The following PLPPR1 variants were observed in gnomAD, a reference collection of about 807,000 sequenced individuals.
PLPPR1 encodes the protein phospholipid phosphatase-related protein type 1.
Under a neutral mutation model 33.1 loss-of-function variants are expected in PLPPR1, and 10 were observed. The observed-to-expected ratio is 0.30, with a 90% CI of 0.19 to 0.51. The LOEUF (loss-of-function observed/expected upper bound fraction) is 0.51. PLPPR1 is among the 20% of genes least tolerant of loss of function. The probability of loss-of-function intolerance (pLI) is 0.97; values close to 1 mark genes in which losing one functional copy is unlikely to be tolerated. For missense variants in PLPPR1, 304 were observed against 408.1 expected, an observed-to-expected ratio of 0.74 and a Z score of 2.20; for synonymous variants, 151 against 151.0, an observed-to-expected ratio of 1.00 and a Z score of 0.00.
At chr9:101,244,799 C>T (rs1232878315) in intron 2 of PLPPR1, among the ~76,000 whole-genome samples, 1 of 151,402 alleles carries the variant, frequency 6.6e-6, no homozygotes. Context: ...CAATAAATAC[C>T]TGGGAAAATT....
chr9:101,109,158 T>TTA (rs1831018640), intron 1 of PLPPR1, among the ~76,000 whole-genome samples: 1 of 110,772 alleles, frequency 9.0e-6, no homozygotes, highest in Non-Finnish European at 1.9e-5. Context: ...TTTTTTTTTT[T>TTA]AGTAGAGTTG....
chr9:101,096,231 G>A (rs1357133436), intron 1 of PLPPR1, among the ~76,000 whole-genome samples: 1 of 152,158 alleles, frequency 6.6e-6, no homozygotes, highest in Non-Finnish European at 1.5e-5. Flanking sequence ...GCAGCATCAG[G>A]AAAGGGCCTG....
intron 1 of PLPPR1, among the ~76,000 whole-genome samples, chr9:101,097,738 G>A (rs891751867): frequency 2.0e-5 from 3 of 152,114 alleles, no homozygotes; most frequent in African/African-American, 7.2e-5. Flanking sequence ...AATCCACCCA[G>A]AGGAGGATGT....
intron 4 of PLPPR1, among the ~76,000 whole-genome samples, chr9:101,299,647 A>G (rs1336711809): frequency 6.6e-6 from 1 of 152,166 alleles, no homozygotes; most frequent in Non-Finnish European, 1.5e-5. Flanking sequence ...CCTTAGCTCT[A>G]GTGTTGAGAG....
At chr9:101,037,178 C>A (rs1353201095) in intron 1 of PLPPR1, among the ~76,000 whole-genome samples, 1 of 152,026 alleles carries the variant, frequency 6.6e-6, no homozygotes, top group Non-Finnish European at 1.5e-5. Context: ...TATCTTTTTC[C>A]ATTCATCAAT....
At chr9:101,322,006 T>TGC (rs1829159722) in intron 7 of PLPPR1, among the ~76,000 whole-genome samples, 7 of 148,670 alleles carry the variant, frequency 4.7e-5, no homozygotes, top group Admixed American at 4.0e-4. Flanking sequence ...AAGACCAGCC[T>TGC]GGCCAACATG....
At chr9:101,262,063 C>T (rs185747259) in intron 2 of PLPPR1, among the ~76,000 whole-genome samples, 2 of 152,166 alleles carry the variant, frequency 1.3e-5, no homozygotes, top group South Asian at 2.1e-4. Flanking sequence ...CACTGCTGCC[C>T]ATTAGTTTTT....
intron 1 of PLPPR1, among the ~76,000 whole-genome samples, chr9:101,074,141 A>G (rs1830510982): frequency 6.6e-6 from 1 of 152,152 alleles, no homozygotes; most frequent in South Asian, 2.1e-4. Context: ...CCGATGCATC[A>G]GGAAAAGTGA....
chr9:101,223,627 T>A (rs1423122330), intron 2 of PLPPR1, among the ~76,000 whole-genome samples: 1 of 152,072 alleles, frequency 6.6e-6, no homozygotes, highest in African/African-American at 2.4e-5. Context: ...TGGTAGTGAG[T>A]GACTCTCAAA....
In PLPPR1 at chr9:101,269,708, G is replaced by A. The variant is rs1038848351; in HGVS notation, c.64-172G>A. On this transcript the variant is annotated intron_variant, in intron 2 of 7. Coordinates refer to ENST00000374874, the MANE Select transcript of PLPPR1 (RefSeq NM_207299.2). ...AAGGTTTATAGAACAGATGTTACAA[G>A]GCAGACAAGCAAGCACACACTCCCA... 1.6e-5 allele frequency: 10 copies of A among 638,594 alleles called. No homozygotes were observed. The African/African-American group carries it at 1.8e-4, about 12-fold the overall frequency. 39.6% of individuals were successfully genotyped at this position (638,594 alleles called of 1,614,324 possible). A position where few individuals can be genotyped will look rare whatever the true frequency, so the allele number is the denominator to read the frequency against.
chr9:101,238,171 ACCCTATATATATG>A (rs1285250563), intron 2 of PLPPR1, among the ~76,000 whole-genome samples: 1 of 136,798 alleles, frequency 7.3e-6, no homozygotes, highest in Admixed American at 7.3e-5. Flanking sequence ...ACATATATAT[ACCCTATATATATG>A]CCCTATATAT....
At chr9:101,234,623 T>TAG (rs371375899) in intron 2 of PLPPR1, among the ~76,000 whole-genome samples, 196 of 151,708 alleles carry the variant, frequency 1.3e-3, no homozygotes, top group African/African-American at 3.9e-3. Flanking sequence ...TCTAAGGCAT[T>TAG]AGAGAGAGAG....
intron 7 of PLPPR1, among the ~76,000 whole-genome samples, chr9:101,321,523 G>T (rs1213388737): frequency 2.0e-5 from 3 of 152,006 alleles, no homozygotes; most frequent in Non-Finnish European, 2.9e-5. Flanking sequence ...TAAAGTTGTT[G>T]GGATCCCAAA....
At chr9:101,313,918 T>G (rs1300035361) in intron 6 of PLPPR1, among the ~76,000 whole-genome samples, 1 of 152,202 alleles carries the variant, frequency 6.6e-6, no homozygotes, top group African/African-American at 2.4e-5. Flanking sequence ...CATAATGTAT[T>G]TTTTCAGGTA....
chr9:101,265,181 T>C (rs16920106), intron 2 of PLPPR1, among the ~76,000 whole-genome samples: 6,369 of 152,332 alleles, frequency 0.042, 233 homozygotes, highest in South Asian at 0.18. Context: ...ACAGTGCTTT[T>C]AACCACAGGA....
intron 2 of PLPPR1, among the ~76,000 whole-genome samples, chr9:101,223,069 G>A (rs1198864235): frequency 1.3e-5 from 2 of 149,894 alleles, no homozygotes; most frequent in South Asian, 4.2e-4. Flanking sequence ...TCCCTGTGCT[G>A]TGGGAGACTG....
At chr9:101,268,110 G>C (rs2118891616) in intron 2 of PLPPR1, among the ~76,000 whole-genome samples, 1 of 152,222 alleles carries the variant, frequency 6.6e-6, no homozygotes, top group South Asian at 2.1e-4. Flanking sequence ...GTTGTGGGTA[G>C]GGGAGGGGGG....
intron 1 of PLPPR1, among the ~76,000 whole-genome samples, chr9:101,045,039 G>T (rs957323056): frequency 6.6e-6 from 1 of 152,112 alleles, no homozygotes; most frequent in Non-Finnish European, 1.5e-5. Context: ...AATGGAAAGG[G>T]TCAAGGGAGC....
At chr9:101,250,418 A>G (rs990712354) in intron 2 of PLPPR1, among the ~76,000 whole-genome samples, 2 of 152,044 alleles carry the variant, frequency 1.3e-5, no homozygotes, top group African/African-American at 2.4e-5. Context: ...AGCAAAATCC[A>G]TTACATTCTT....
Sources: allele counts gnomAD v4.1 joint callset (sites outside exome capture counted in the v4.1 genomes callset), GRCh38; gene constraint gnomAD v4.1.1; transcripts MANE v1.5; gene names NCBI Gene and HGNC (gene_info 2026-07-23, HGNC 2026-07-21).